The following PIP4P2 variants were observed in gnomAD, a reference collection of about 807,000 sequenced individuals.
PIP4P2 encodes the protein phosphatidylinositol-4,5-bisphosphate 4-phosphatase 2, also known as type 2 phosphatidylinositol 4,5-bisphosphate 4-phosphatase.
Under a neutral mutation model 33.3 loss-of-function variants are expected in PIP4P2, and 19 were observed. The ratio of observed to expected loss-of-function variants is 0.57; its 90% confidence interval spans 0.40 to 0.84. The LOEUF is 0.84. Ranked by LOEUF, PIP4P2 falls within the 40% of genes least tolerant of loss-of-function variation. The pLI, the probability that PIP4P2 is intolerant of heterozygous loss-of-function variation, is 0.00. For missense variants in PIP4P2, 270 were observed against 324.7 expected, an observed-to-expected ratio of 0.83 and a Z score of 1.29; for synonymous variants, 110 against 111.9, an observed-to-expected ratio of 0.98 and a Z score of 0.11.
chr8:91,032,965 A>G (rs1228399470), intron 1 of PIP4P2, among the ~76,000 whole-genome samples: 1 of 152,122 alleles, frequency 6.6e-6, no homozygotes, highest in Non-Finnish European at 1.5e-5. Context: ...TCCAATATCT[A>G]TATCCATCTA....
At chr8:91,016,300 A>C (rs1410170342) in intron 4 of PIP4P2, among the ~76,000 whole-genome samples, 1 of 152,186 alleles carries the variant, frequency 6.6e-6, no homozygotes, top group African/African-American at 2.4e-5. Flanking sequence ...AAAAAACAAA[A>C]TTAAAAACCA....
intron 1 of PIP4P2, among the ~76,000 whole-genome samples, chr8:91,039,481 T>G (rs554824123): frequency 6.6e-6 from 1 of 152,362 alleles, no homozygotes; most frequent in Non-Finnish European, 1.5e-5. Flanking sequence ...TAAATAGAAA[T>G]TTTAAATACT....
At chr8:91,016,272 T>C (rs1811913230) in intron 4 of PIP4P2, among the ~76,000 whole-genome samples, 2 of 151,764 alleles carry the variant, frequency 1.3e-5, no homozygotes. Flanking sequence ...ATAATGAAGT[T>C]TCCCACTAAA....
chr8:91,021,707 TAC>T (rs1308018122), intron 1 of PIP4P2, among the ~76,000 whole-genome samples: 4 of 152,192 alleles, frequency 2.6e-5, no homozygotes, highest in African/African-American at 7.2e-5. Flanking sequence ...AGTAAATTCA[TAC>T]AGTCTCTAAC....
At chr8:91,018,302 G>C in intron 4 of PIP4P2, 88 bp downstream of exon 4, 1 of 1,554,160 alleles carries the variant, frequency 6.4e-7, no homozygotes, top group South Asian at 1.2e-5. Context: ...TTTGCATTTG[G>C]ACAAAACTAT....
intron 5 of PIP4P2, among the ~76,000 whole-genome samples, chr8:91,005,678 A>G (rs941944685): frequency 2.0e-5 from 3 of 152,250 alleles, no homozygotes; most frequent in African/African-American, 7.2e-5. Context: ...AAATAAATGG[A>G]TAACACTTGA....
chr8:91,024,334 C>G lies in PIP4P2; in HGVS notation c.107-2930G>C, dbSNP rs1371888889. ...TAGCTCCATCTCCTCTTATATGGGA[C>G]TTGTAATTCTGGAGATTCCACAGTT... On this transcript the variant is annotated intron_variant, in intron 1 of 6. Coordinates refer to ENST00000285419, the MANE Select transcript of PIP4P2 (RefSeq NM_018710.3). 3 of 440,286 alleles carry G rather than the reference C, an allele frequency of 6.8e-6. No homozygotes were observed. The Admixed American group carries it at 7.1e-5, about 10-fold the overall frequency. 27.3% of individuals were successfully genotyped at this position (440,286 alleles called of 1,614,324 possible).
chr8:91,040,109 A>G (rs1248585157), intron 1 of PIP4P2, among the ~76,000 whole-genome samples: 1 of 152,174 alleles, frequency 6.6e-6, no homozygotes, highest in Non-Finnish European at 1.5e-5. Flanking sequence ...GATTAACTGT[A>G]TTCATTTTGG....
At chr8:91,015,741 G>C (rs537999004) in intron 4 of PIP4P2, among the ~76,000 whole-genome samples, 27 of 152,300 alleles carry the variant, frequency 1.8e-4, no homozygotes, top group African/African-American at 6.3e-4. Flanking sequence ...CCTTACTGCT[G>C]TGTCTGGTTT....
chr8:91,024,181 T>C (rs980641031), intron 1 of PIP4P2: 6 of 239,502 alleles, frequency 2.5e-5, no homozygotes, highest in African/African-American at 1.4e-4. Flanking sequence ...CAATAAACAG[T>C]GCTTCCTGGC....
intron 1 of PIP4P2, among the ~76,000 whole-genome samples, chr8:91,029,652 A>G (rs1812132147): frequency 6.6e-6 from 1 of 152,196 alleles, no homozygotes; most frequent in Non-Finnish European, 1.5e-5. Context: ...TGAGACAGGA[A>G]TCCTGTCTCC....
In PIP4P2 at chr8:90,996,680, A is replaced by C. The variant is rs778083012; in HGVS notation, c.604T>G (p.Cys202Gly). ...CCAYITIGMI[C>G]IFIGVGLTVG... is the part of the protein sequence containing the mutation. The stretch of plus-strand genomic sequence containing the variant: ...GTTAACCCAACTCCAATGAAAATAC[A>C]TATCATTCCAATGGTAATATATGCA... Residue 202 changes from cysteine (C) to glycine (G), a missense_variant, in exon 6 of 7, where the codon TGT becomes GGT. Cys to Gly is a radical substitution (Grantham distance 159). Coordinates refer to ENST00000285419, the MANE Select transcript of PIP4P2 (RefSeq NM_018710.3). 1.9e-6 allele frequency: 3 copies of C among 1,609,900 alleles called. No individual in the cohort carries two copies. Among genetic ancestry groups the C allele is most frequent in the East Asian group, 4.5e-5 (2 of 44,752 alleles).
intron 4 of PIP4P2, among the ~76,000 whole-genome samples, chr8:91,014,133 T>C (rs1359706546): frequency 6.6e-6 from 1 of 152,156 alleles, no homozygotes; most frequent in Non-Finnish European, 1.5e-5. Flanking sequence ...GGAAAGCAGA[T>C]GGACTTTGCA....
At chr8:91,023,699 C>T (rs753262920) in intron 1 of PIP4P2, among the ~76,000 whole-genome samples, 3 of 151,990 alleles carry the variant, frequency 2.0e-5, no homozygotes, top group Non-Finnish European at 2.9e-5. Context: ...ATAAGCTCCA[C>T]GAGGCCAGGG....
Position 91,020,152 on chromosome 8 carries a change from C to G in PIP4P2, c.362+5G>C. 1.9e-6 allele frequency: 3 copies of G among 1,612,422 alleles called. No individual in the cohort carries two copies. The highest frequency in any genetic ancestry group is 2.5e-6 in the Non-Finnish European group (3 of 1,178,780). ...TGAATCAATGAATTAATCTTTATCT[C>G]TTACCAGTTGGGTCTTGGGCATCCT... is the stretch of plus-strand genomic sequence containing the variant. On this transcript the variant is annotated splice_donor_5th_base_variant and intron_variant, in intron 3 of 6. Coordinates refer to ENST00000285419, the MANE Select transcript of PIP4P2 (RefSeq NM_018710.3).
chr8:91,024,891 C>A (rs2130373699), intron 1 of PIP4P2, among the ~76,000 whole-genome samples: 1 of 152,180 alleles, frequency 6.6e-6, no homozygotes, highest in East Asian at 1.9e-4. Flanking sequence ...TTCAAACAAT[C>A]TTTGGAATTA....
At position 91,040,844 on chromosome 8, in the gene PIP4P2, CGCTGCAGCTGCTGCT is replaced by C. The variant is rs1554584010; in HGVS notation, c.-110_-96del. 9.9e-6 allele frequency: 11 copies of C among 1,116,562 alleles called. No homozygotes were observed. Among genetic ancestry groups the C allele is most frequent in the Non-Finnish European group, 1.3e-5 (10 of 784,612 alleles). The allele number at this position is 1,116,562 out of a possible 1,614,324, so 69.2% of individuals were successfully genotyped here. ...CTGCTGCCTCTGCTGCCGCTGCTGC[CGCTGCAGCTGCTGCT>C]GCTGCCGCCTCCGGGAGGGCCCGGG... On this transcript the variant is annotated 5_prime_UTR_variant, in exon 1 of 7. Transcript: ENST00000285419.
At chr8:91,004,369 T>C (rs1023187953) in intron 5 of PIP4P2, among the ~76,000 whole-genome samples, 4 of 151,996 alleles carry the variant, frequency 2.6e-5, no homozygotes, top group Non-Finnish European at 5.9e-5. Context: ...TCCACTCACA[T>C]TGAGGGCAGA....
At chr8:91,040,582 T>G in intron 1 of PIP4P2, 62 bp downstream of exon 1, 1 of 1,581,264 alleles carries the variant, frequency 6.3e-7, no homozygotes, top group Non-Finnish European at 8.7e-7. Flanking sequence ...GTCTTTATCC[T>G]TCTGGGCGTT....
Sources: gnomAD v4.1 joint callset for allele counts (sites outside exome capture counted in the v4.1 genomes callset) on GRCh38, gnomAD v4.1.1 for gene constraint, MANE v1.5 for transcripts, NCBI Gene and HGNC (gene_info 2026-07-23, HGNC 2026-07-21) for gene names.